The following SLTM variants were observed in gnomAD, a reference collection of about 807,000 sequenced individuals.
SLTM encodes the protein SAFB-like transcription modulator.
Under a neutral mutation model 134.6 loss-of-function variants are expected in SLTM, and 43 were observed. The observed-to-expected ratio is 0.32, with a 90% CI of 0.25 to 0.41. SLTM has a LOEUF of 0.41. SLTM is among the 10% of genes least tolerant of loss of function. The pLI is 1.00. For synonymous variants in SLTM, 424 were observed against 432.3 expected (o/e 0.98, Z 0.24); for missense variants, 1,055 against 1,288.8 (o/e 0.82, Z 2.78).
chr15:58,921,114 A>AGCAGTCATTACCACT (rs2141185292), intron 2 of SLTM, among the ~76,000 whole-genome samples: 1 of 152,370 alleles, frequency 6.6e-6, no homozygotes, highest in Admixed American at 6.5e-5. Flanking sequence ...CAACAAAAAC[A>AGCAGTCATTACCACT]GCAGTCATTA....
At position 58,879,296 on chromosome 15, in the gene SLTM, C is replaced by T. The variant is rs1263932448; in HGVS notation, c.*703G>A. On this transcript the variant is annotated 3_prime_UTR_variant, in exon 21 of 21. Coordinates refer to ENST00000380516, the MANE Select transcript of SLTM (RefSeq NM_024755.4). Reference sequence around the variant, plus strand: ...AACTCGGTCTAAGAACCTTGTGAAACAAACCTCATGGCCAAGGTTTCATGA... The same window carrying T: ...AACTCGGTCTAAGAACCTTGTGAAATAAACCTCATGGCCAAGGTTTCATGA... 1 of 152,240 alleles carries T rather than the reference C, an allele frequency of 6.6e-6. No homozygotes were observed. Among genetic ancestry groups the T allele is most frequent in the African/African-American group, 2.4e-5 (1 of 41,440 alleles). The allele number at this position is 152,240 out of a possible 1,614,324, so 9.4% of individuals were successfully genotyped here.
intron 5 of SLTM, among the ~76,000 whole-genome samples, chr15:58,909,663 C>T (rs1187015673): frequency 1.3e-5 from 2 of 152,210 alleles, no homozygotes; most frequent in African/African-American, 4.8e-5. Flanking sequence ...TACAGTACTA[C>T]ACCTATGAGG....
At chr15:58,923,799 C>CTTTTTTTT (rs34100406) in intron 2 of SLTM, among the ~76,000 whole-genome samples, 1 of 69,544 alleles carries the variant, frequency 1.4e-5, no homozygotes, top group Non-Finnish European at 2.5e-5. Flanking sequence ...GAAGCCAAAC[C>CTTTTTTTT]TTTTTTTTTT....
intron 5 of SLTM, 29 bp downstream of exon 5, chr15:58,912,534 C>A (rs762186393): frequency 6.3e-7 from 1 of 1,595,236 alleles, no homozygotes; most frequent in Non-Finnish European, 8.6e-7. Flanking sequence ...CCCACAATAT[C>A]GAATTCATAG....
At chr15:58,913,772 T>C (rs1260697066) in intron 3 of SLTM, 76 bp from the exon 4 acceptor site, 26 of 1,085,638 alleles carry the variant, frequency 2.4e-5, no homozygotes, top group Non-Finnish European at 3.5e-5. Flanking sequence ...TTTGGTAATT[T>C]ACACCTTTAA....
intron 17 of SLTM, 104 bp from the exon 18 acceptor site, chr15:58,887,644 G>T: frequency 6.7e-7 from 1 of 1,489,346 alleles, no homozygotes; most frequent in South Asian, 1.4e-5. Flanking sequence ...ACCAAAAAAT[G>T]AACTTAAGGC....
intron 4 of SLTM, chr15:58,912,924 ACT>A (rs2036385958): frequency 4.2e-6 from 1 of 238,576 alleles, no homozygotes; most frequent in African/African-American, 2.2e-5. Context: ...GTACTAACAT[ACT>A]TCAAGGCAGG....
chr15:58,907,286 G>A (rs2035929679), intron 5 of SLTM, among the ~76,000 whole-genome samples: 1 of 152,166 alleles, frequency 6.6e-6, no homozygotes, highest in African/African-American at 2.4e-5. Context: ...TGATGTTATA[G>A]ACTGAAGAGG....
intron 8 of SLTM, chr15:58,898,502 T>C (rs2035252310): frequency 5.0e-6 from 1 of 201,984 alleles, no homozygotes; most frequent in Admixed American, 6.2e-5. Context: ...TCTGAAATTA[T>C]AATGTAAGAA....
chr15:58,924,644 T>C (rs2037334472), intron 2 of SLTM, among the ~76,000 whole-genome samples: 1 of 152,192 alleles, frequency 6.6e-6, no homozygotes, highest in African/African-American at 2.4e-5. Context: ...CTTTTTGTAT[T>C]TGAGAATTCT....
intron 2 of SLTM, chr15:58,921,486 C>A: frequency 3.1e-6 from 1 of 322,228 alleles, no homozygotes; most frequent in Non-Finnish European, 6.6e-6. Flanking sequence ...AGAGGCAGCA[C>A]TGGGGTATGT....
intron 17 of SLTM, 76 bp from the exon 18 acceptor site, chr15:58,887,616 A>C: frequency 6.6e-7 from 1 of 1,515,002 alleles, no homozygotes; most frequent in Non-Finnish European, 8.8e-7. Context: ...CTTTGTCTGC[A>C]TAACCTACAA....
rs539213012 is a variant in SLTM, at chr15:58,923,333, G to C, written c.251-6334C>G. Among the ~76,000 whole-genome samples the C allele has an allele frequency of 2.0e-5, 3 of 152,200 alleles. No individual in the cohort carries two copies. In the East Asian group the frequency reaches 5.8e-4, roughly 29 times the overall value. On this transcript the variant is annotated intron_variant, in intron 2 of 20. Coordinates refer to ENST00000380516, the MANE Select transcript of SLTM (RefSeq NM_024755.4). ...AGATTGTGCCACTCAATTTCAATCT[G>C]GGTGACAGAGTGAGACTCCTCAAAA...
chr15:58,890,419 G>A lies in SLTM; in HGVS notation c.1941C>T (p.Arg647=), dbSNP rs765710164. The change falls in exon 15 of 21, where the codon CGC becomes CGT. Residue 647 remains arginine (R), a synonymous_variant. Transcript: ENST00000380516. ...IAERERRERE[R]IRIIREREER... Reference sequence around the variant, plus strand: ...CTTCCCGTTCACGAATTATTCTAATGCGTTCTCGCTCTCGACGCTCTCTCT... The same window carrying A: ...CTTCCCGTTCACGAATTATTCTAATACGTTCTCGCTCTCGACGCTCTCTCT... The A allele has an allele frequency of 1.9e-6, 3 of 1,613,798 alleles. No homozygotes were observed. Among genetic ancestry groups the A allele is most frequent in the Admixed American group, 1.7e-5 (1 of 59,990 alleles).
intron 19 of SLTM, among the ~76,000 whole-genome samples, chr15:58,885,896 C>A (rs1361357175): frequency 2.0e-5 from 3 of 152,024 alleles, no homozygotes; most frequent in Admixed American, 6.6e-5. Flanking sequence ...CTGCACAATT[C>A]TTTTTGGTAT....
chr15:58,922,559 G>A lies in SLTM; in HGVS notation c.251-5560C>T, dbSNP rs796257836. 2.1e-3 allele frequency among the ~76,000 whole-genome samples: 13 copies of A among 6,270 alleles called. 1 individual carries two copies. Among genetic ancestry groups the A allele is most frequent in the East Asian group, 0.021 (1 of 48 alleles). The allele number at this position is 6,270 out of a possible 152,430, so 4.1% of individuals were successfully genotyped here. On this transcript the variant is annotated intron_variant, in intron 2 of 20. Coordinates refer to ENST00000380516, the MANE Select transcript of SLTM (RefSeq NM_024755.4). ...AATATATTTTATATGTATATAATAT[G>A]TATATAATATATATTATATACGTAT...
At chr15:58,883,444 C>T in intron 20 of SLTM, 182 bp downstream of exon 20, 1 of 716,396 alleles carries the variant, frequency 1.4e-6, no homozygotes, top group South Asian at 2.0e-5. Flanking sequence ...TACAAACTAA[C>T]ACATTAATAT....
intron 19 of SLTM, among the ~76,000 whole-genome samples, chr15:58,886,661 A>G (rs766499676): frequency 7.9e-5 from 12 of 152,216 alleles, no homozygotes; most frequent in Non-Finnish European, 1.6e-4. Flanking sequence ...CTTAAAAAGA[A>G]ATAAAACCAA....
In SLTM at chr15:58,913,493, A is replaced by G. The variant is rs191596154; in HGVS notation, c.513+6T>C. 5.8e-5 allele frequency: 92 copies of G among 1,598,698 alleles called. No homozygotes were observed. The Admixed American group carries it at 1.2e-3, about 21-fold the overall frequency. ...TGTCATGTTTTAAAAAAAACTGGCT[A>G]AAGACCTGACTTTCGATGTCCTCTT... On this transcript the variant is annotated splice_donor_region_variant and intron_variant, in intron 4 of 20. Transcript: ENST00000380516.
Sources: gnomAD v4.1 joint callset for allele counts (sites outside exome capture counted in the v4.1 genomes callset) on GRCh38, gnomAD v4.1.1 for gene constraint, MANE v1.5 for transcripts, NCBI Gene and HGNC (gene_info 2026-07-23, HGNC 2026-07-21) for gene names.